CEP128: variants seen among roughly 807,000 people sequenced by gnomAD.
CEP128 encodes centrosomal protein 128kDa.
CEP128 carries 132 observed loss-of-function variants against 156.7 expected under a neutral mutation model. The observed-to-expected ratio is 0.84, with a 90% CI of 0.73 to 0.97. The LOEUF is 0.97. Ranked by LOEUF, CEP128 falls within the 50% of genes least tolerant of loss-of-function variation. The probability of loss-of-function intolerance (pLI) is 0.00; values close to 1 mark genes in which losing one functional copy is unlikely to be tolerated. For synonymous variants in CEP128, 469 were observed against 448.9 expected, an observed-to-expected ratio of 1.04 and a Z score of -0.57; for missense variants, 1,252 against 1,281.9, an observed-to-expected ratio of 0.98 and a Z score of 0.36.
At chr14:80,839,415 G>A (rs1396498370) in intron 10 of CEP128, among the ~76,000 whole-genome samples, 1 of 152,082 alleles carries the variant, frequency 6.6e-6, no homozygotes, top group Non-Finnish European at 1.5e-5. Context: ...ACATGAGGGA[G>A]CCTTGTGGTG....
At chr14:80,748,875 G>A (rs1321338395) in intron 18 of CEP128, among the ~76,000 whole-genome samples, 1 of 152,092 alleles carries the variant, frequency 6.6e-6, no homozygotes, top group Non-Finnish European at 1.5e-5. Context: ...CTAGCTCCCA[G>A]GGAGCATTTC....
rs568336871 is a variant in CEP128, at chr14:80,528,377, C to T, written c.2959-1395G>A. On this transcript the variant is annotated intron_variant, in intron 22 of 24. Coordinates refer to ENST00000555265, the MANE Select transcript of CEP128 (RefSeq NM_152446.5). ...GATCTCAGTGCACTGCAACCTCCGCCGCCCTGGTTCAAGCAATTCTCCTGC... is the reference window on the plus strand; with the variant it reads ...GATCTCAGTGCACTGCAACCTCCGCTGCCCTGGTTCAAGCAATTCTCCTGC... Among the ~76,000 whole-genome samples the T allele has an allele frequency of 6.4e-4, 98 of 152,372 alleles. 1 individual carries two copies. The South Asian group carries it at 0.02, about 31-fold the overall frequency.
intron 13 of CEP128, among the ~76,000 whole-genome samples, chr14:80,801,527 A>G (rs542536545): frequency 1.3e-4 from 19 of 150,854 alleles, no homozygotes; most frequent in African/African-American, 4.0e-4. Flanking sequence ...AAAAAAAAAC[A>G]AACAACCACA....
chr14:80,529,622 T>C (rs1161044329), intron 22 of CEP128, among the ~76,000 whole-genome samples: 1 of 152,218 alleles, frequency 6.6e-6, no homozygotes, highest in Admixed American at 6.5e-5. Context: ...GCCCTTCATT[T>C]ACTTGGATAA....
intron 21 of CEP128, among the ~76,000 whole-genome samples, chr14:80,534,471 G>T (rs1889384256): frequency 6.6e-6 from 1 of 152,156 alleles, no homozygotes; most frequent in African/African-American, 2.4e-5. Flanking sequence ...TTCTAAGTTG[G>T]TTAATTTTTT....
At chr14:80,784,827 G>T in intron 15 of CEP128, 68 bp downstream of exon 15, 2 of 1,285,946 alleles carry the variant, frequency 1.6e-6, no homozygotes, top group Non-Finnish European at 2.2e-6. Context: ...AAAAGTTTAC[G>T]CTTTATTAAC....
intron 21 of CEP128, among the ~76,000 whole-genome samples, chr14:80,546,931 G>A (rs369991950): frequency 2.0e-5 from 3 of 152,174 alleles, no homozygotes; most frequent in African/African-American, 7.2e-5. Flanking sequence ...TAATTAACAA[G>A]AGACCACTTT....
chr14:80,779,235 T>G (rs1275252565), intron 15 of CEP128, among the ~76,000 whole-genome samples: 1 of 152,208 alleles, frequency 6.6e-6, no homozygotes, highest in Non-Finnish European at 1.5e-5. Flanking sequence ...GTTTATCATA[T>G]GAGTTTAATT....
At position 80,831,164 on chromosome 14, in the gene CEP128, T is replaced by C; in HGVS notation, c.1188A>G (p.Ala396=). 1 of 1,614,024 alleles carries C rather than the reference T, an allele frequency of 6.2e-7. No individual in the cohort carries two copies. The highest frequency in any genetic ancestry group is 1.1e-5 in the South Asian group (1 of 91,074). Residue 396 remains alanine, a synonymous_variant, in exon 13 of 25, where the codon GCA becomes GCG. Transcript: ENST00000555265. ...RCMERKDKEK[A]HLASQVENLT... Reference sequence around the variant, plus strand: ...TCACCTCTACTTGTGATGCCAAATGTGCTTTCTCCTTGTCTTTTCTCTCCA... The same window carrying C: ...TCACCTCTACTTGTGATGCCAAATGCGCTTTCTCCTTGTCTTTTCTCTCCA...
chr14:80,856,664 CGT>C (rs908211651), intron 9 of CEP128, among the ~76,000 whole-genome samples: 2 of 142,340 alleles, frequency 1.4e-5, no homozygotes, highest in East Asian at 2.1e-4. Context: ...AGTGTGCCTG[CGT>C]GTGTGTGTGT....
At chr14:80,744,472 C>T (rs894171133) in intron 18 of CEP128, among the ~76,000 whole-genome samples, 8 of 151,994 alleles carry the variant, frequency 5.3e-5, no homozygotes, top group African/African-American at 1.7e-4. Flanking sequence ...GTGAAATAAC[C>T]GTAAGTGCTA....
chr14:80,761,575 C>T lies in CEP128; in HGVS notation c.2415G>A (p.Arg805=). 1.9e-6 allele frequency: 3 copies of T among 1,611,062 alleles called. No homozygotes were observed. Among genetic ancestry groups the T allele is most frequent in the Non-Finnish European group, 2.5e-6 (3 of 1,177,980 alleles). The change falls in exon 17 of 25, where the codon AGG becomes AGA. Residue 805 remains arginine, a synonymous_variant. Coordinates refer to ENST00000555265, the MANE Select transcript of CEP128 (RefSeq NM_152446.5). The stretch of plus-strand genomic sequence containing the variant: ...TGAGCTGCAATCTGGCCTCTTCCAT[C>T]CTCCTTAAGTGCTCCTCTTCAATGC... ...HISIEEEHLR[R]MEEARLQLKD...
chr14:80,665,040 T>C lies in CEP128; in HGVS notation c.2806+78035A>G, dbSNP rs143522061. Among the ~76,000 whole-genome samples the C allele has an allele frequency of 3.9e-5, 6 of 152,332 alleles. 1 individual carries two copies. The highest frequency in any genetic ancestry group is 7.2e-5 in the African/African-American group (3 of 41,578). On this transcript the variant is annotated intron_variant, in intron 19 of 24. Coordinates refer to ENST00000555265, the MANE Select transcript of CEP128 (RefSeq NM_152446.5). ...TTTCAACTTTAATTATTAAACATTC[T>C]ATGTGGAAATAAAGAAAATTTGAAT... is the stretch of plus-strand genomic sequence containing the variant.
At chr14:80,626,492 A>AAAAAAC (rs1893733544) in intron 19 of CEP128, among the ~76,000 whole-genome samples, 1 of 140,176 alleles carries the variant, frequency 7.1e-6, no homozygotes, top group Non-Finnish European at 1.6e-5. Flanking sequence ...AAAAAAAAAA[A>AAAAAAC]AAAGAGTGAG....
At chr14:80,479,501 T>A (rs1007638382) in intron 14 of CEP128, among the ~76,000 whole-genome samples, 1 of 152,082 alleles carries the variant, frequency 6.6e-6, no homozygotes. Context: ...ATAAACCCAT[T>A]CCAATCTCAT....
Position 80,836,311 on chromosome 14 carries a change from C to A in CEP128, c.951G>T (p.Thr317=). The part of the protein sequence containing the change: ...HQVEELRTQL[T]KAEGDRKGLQ... ...AACCCTTTCGATCACCTTCTGCTTT[C>A]GTAAGTTGTGTACGCAGTTCTTCTA... The change falls in exon 12 of 25, where the codon ACG becomes ACT. Residue 317 remains threonine (T), a synonymous_variant. Coordinates refer to ENST00000555265, the MANE Select transcript of CEP128 (RefSeq NM_152446.5). The A allele has an allele frequency of 6.2e-7, 1 of 1,614,008 alleles. No homozygotes were observed. The highest frequency in any genetic ancestry group is 8.5e-7 in the Non-Finnish European group (1 of 1,179,972).
At chr14:80,568,476 T>C (rs1891008615) in intron 20 of CEP128, among the ~76,000 whole-genome samples, 1 of 148,990 alleles carries the variant, frequency 6.7e-6, no homozygotes, top group Non-Finnish European at 1.5e-5. Flanking sequence ...AGGAACATTG[T>C]AATGGAGACT....
intron 15 of CEP128, among the ~76,000 whole-genome samples, chr14:80,783,750 T>C (rs1224336934): frequency 3.9e-5 from 6 of 152,212 alleles, no homozygotes; most frequent in African/African-American, 1.4e-4. Context: ...GATAGCATTA[T>C]GATGGTTTCA....
In CEP128 at chr14:80,530,816, T is replaced by G. The variant is rs146120887; in HGVS notation, c.2951A>C (p.Asp984Ala). The change falls in exon 22 of 25, where the codon GAC becomes GCC. Residue 984 changes from aspartate (D) to alanine (A), a missense_variant. Asp to Ala is a moderately radical substitution (Grantham distance 126, BLOSUM62 -2). Coordinates refer to ENST00000555265, the MANE Select transcript of CEP128 (RefSeq NM_152446.5). ...EKLSLLEDFKDFRDSCSSSER... is the reference protein window; with the variant it reads ...EKLSLLEDFKAFRDSCSSSER... ...AAGCCAACTCTTTCTCACTCTGAAG[T>G]CTTTGAAATCTTCTAGTAGGCTCAG... 34 of 1,602,634 alleles carry G rather than the reference T, an allele frequency of 2.1e-5. No individual in the cohort carries two copies. In the Admixed American group the frequency reaches 2.9e-4, roughly 14 times the overall value.
Sources: gnomAD v4.1 joint callset for allele counts (sites outside exome capture counted in the v4.1 genomes callset) on GRCh38, gnomAD v4.1.1 for gene constraint, MANE v1.5 for transcripts, NCBI Gene and HGNC (gene_info 2026-07-23, HGNC 2026-07-21) for gene names.